ARID5B: variants seen among roughly 807,000 people sequenced by gnomAD.
The protein encoded by ARID5B is AT-rich interaction domain 5B.
A neutral mutation model predicts 97.2 loss-of-function variants in ARID5B; 13 were observed. The ratio of observed to expected loss-of-function variants is 0.13; its 90% CI spans 0.09 to 0.21. The LOEUF (loss-of-function observed/expected upper bound fraction) is 0.21, where lower values mean the gene tolerates loss of function less well. Ranked by LOEUF, ARID5B falls within the 10% of genes least tolerant of loss-of-function variation. The probability of loss-of-function intolerance (pLI) is 1.00; values close to 1 mark genes in which losing one functional copy is unlikely to be tolerated. For missense variants in ARID5B, 1,210 were observed against 1,465.3 expected (o/e 0.83, Z 2.84); for synonymous variants, 556 against 570.3 (o/e 0.97, Z 0.36).
At chr10:62,088,071 T>A (rs1238517170) in intron 9 of ARID5B, among the ~76,000 whole-genome samples, 2 of 152,268 alleles carry the variant, frequency 1.3e-5, no homozygotes, top group Admixed American at 1.3e-4. Context: ...TTCACCATGT[T>A]GGTCAGGCTG....
chr10:62,083,412 G>A (rs866619703), intron 8 of ARID5B, among the ~76,000 whole-genome samples: 2 of 151,766 alleles, frequency 1.3e-5, no homozygotes, highest in Middle Eastern at 3.4e-3. Flanking sequence ...CCCATCTAGA[G>A]AGCCAGGTTG....
chr10:61,922,805 G>C (rs1012016117), intron 2 of ARID5B, among the ~76,000 whole-genome samples: 1 of 152,202 alleles, frequency 6.6e-6, no homozygotes, highest in Non-Finnish European at 1.5e-5. Flanking sequence ...AGAGCAGCTG[G>C]TCTGCCATCT....
At chr10:61,991,988 C>T (rs1396735059) in intron 3 of ARID5B, among the ~76,000 whole-genome samples, 12 of 151,656 alleles carry the variant, frequency 7.9e-5, no homozygotes, top group South Asian at 6.2e-4. Context: ...GCTGAGATCA[C>T]GCTATGGCAC....
At chr10:61,965,728 G>T (rs1838536304) in intron 3 of ARID5B, among the ~76,000 whole-genome samples, 1 of 152,074 alleles carries the variant, frequency 6.6e-6, no homozygotes, top group African/African-American at 2.4e-5. Context: ...TAGAACACTG[G>T]CCACTAAAAT....
At chr10:61,996,885 G>GAAA (rs199599810) in intron 3 of ARID5B, among the ~76,000 whole-genome samples, 31 of 144,054 alleles carry the variant, frequency 2.2e-4, no homozygotes, top group African/African-American at 7.3e-4. Context: ...TCTGACAACT[G>GAAA]AAAAAAAAAA....
intron 8 of ARID5B, among the ~76,000 whole-genome samples, chr10:62,070,232 C>A (rs1055782861): frequency 1.3e-5 from 2 of 152,154 alleles, no homozygotes; most frequent in African/African-American, 4.8e-5. Context: ...CAGATCAAAT[C>A]TGTTGTTTTA....
In ARID5B at chr10:62,096,067, G is replaced by A. The variant is rs768311956; in HGVS notation, c.*3037G>A. 1.0e-4 allele frequency: 24 copies of A among 233,058 alleles called. No individual in the cohort carries two copies. The highest frequency in any genetic ancestry group is 4.2e-4 in the East Asian group (7 of 16,532). The allele number at this position is 233,058 out of a possible 1,614,324, so 14.4% of individuals were successfully genotyped here. On this transcript the variant is annotated 3_prime_UTR_variant, in exon 10 of 10. Transcript: ENST00000279873. Reference sequence around the variant, plus strand: ...AATAAAAACAGCCCAACCGAGTTTCGGAATTAAGTATTCTTCTAGTAAGTG... The same window carrying A: ...AATAAAAACAGCCCAACCGAGTTTCAGAATTAAGTATTCTTCTAGTAAGTG...
chr10:61,988,847 C>G (rs1195278124), intron 3 of ARID5B, among the ~76,000 whole-genome samples: 1 of 151,630 alleles, frequency 6.6e-6, no homozygotes, highest in African/African-American at 2.4e-5. Context: ...TCAAGAGATG[C>G]TATAAATGTA....
Position 61,999,663 on chromosome 10 carries a change from G to A in ARID5B, c.503-428G>A, listed in dbSNP as rs79968820. 9.1e-3 allele frequency among the ~76,000 whole-genome samples: 1,383 copies of A among 152,246 alleles called. 38 individuals are homozygous for A. The East Asian group carries it at 0.096, about 11-fold the overall frequency. ...GTACGTGGAACCATCGTTCAGTTGA[G>A]GATCATCTGTATAATCCAATATAAG... On this transcript the variant is annotated intron_variant, in intron 3 of 9. Coordinates refer to ENST00000279873, the MANE Select transcript of ARID5B (RefSeq NM_032199.3).
chr10:61,953,068 G>C (rs10994983), intron 3 of ARID5B, among the ~76,000 whole-genome samples: 9,777 of 151,780 alleles, frequency 0.064, 406 homozygotes, highest in South Asian at 0.12. Context: ...GAAGATGATT[G>C]TAGCACGACA....
At chr10:61,902,118 T>G (rs565092480) in intron 1 of ARID5B, 41 bp from the exon 2 acceptor site, 2 of 1,608,772 alleles carry the variant, frequency 1.2e-6, no homozygotes, top group South Asian at 1.1e-5. Context: ...TGTGCTCTGA[T>G]GGCTACATTA....
At chr10:61,978,076 A>G (rs1218953733) in intron 3 of ARID5B, among the ~76,000 whole-genome samples, 2 of 152,228 alleles carry the variant, frequency 1.3e-5, no homozygotes, top group Non-Finnish European at 2.9e-5. Flanking sequence ...CTTTCTACAT[A>G]TGGCTGGCCA....
Position 62,085,816 on chromosome 10 carries a change from A to G in ARID5B, c.1314A>G (p.Val438=), listed in dbSNP as rs762914928. The G allele has an allele frequency of 2.5e-6, 4 of 1,614,210 alleles. No individual in the cohort carries two copies. Among genetic ancestry groups the G allele is most frequent in the South Asian group, 1.1e-5 (1 of 91,078 alleles). ...SSQENENKTK[V]SGTKRIKHEI... is the part of the protein sequence containing the mutation. Reference sequence around the variant, plus strand: ...AGGAAAATGAGAACAAAACAAAAGTATCTGGAACCAAACGCATCAAACATG... The same window carrying G: ...AGGAAAATGAGAACAAAACAAAAGTGTCTGGAACCAAACGCATCAAACATG... The change falls in exon 9 of 10, where the codon GTA becomes GTG. Residue 438 remains valine (V), a synonymous_variant. Transcript: ENST00000279873.
intron 3 of ARID5B, among the ~76,000 whole-genome samples, chr10:61,963,465 G>A (rs1838500786): frequency 6.6e-6 from 1 of 151,996 alleles, no homozygotes; most frequent in Non-Finnish European, 1.5e-5. Flanking sequence ...AGGAAGAGCG[G>A]CATGTCCCTG....
Position 62,092,405 on chromosome 10 carries a change from T to C in ARID5B, c.2942T>C (p.Val981Ala). 6.2e-7 allele frequency: 1 copy of C among 1,614,170 alleles called. No individual in the cohort carries two copies. The highest frequency in any genetic ancestry group is 8.5e-7 in the Non-Finnish European group (1 of 1,180,032). ...SLSRSGKPHH[V>A]RLENFRKMEG... ...TCAAGATCAGGAAAACCTCACCATG[T>C]GAGACTGGAGAATTTCAGGAAGATG... The change falls in exon 10 of 10, where the codon GTG becomes GCG. Residue 981 changes from valine to alanine, a missense_variant. Val to Ala is a moderately conservative substitution (Grantham distance 64, BLOSUM62 0). This residue lies in a region of ARID5B where 800 missense variants were observed against 839.1 expected (regional missense o/e 0.95). Coordinates refer to ENST00000279873, the MANE Select transcript of ARID5B (RefSeq NM_032199.3).
In ARID5B at chr10:62,007,339, CTCATTCAT is replaced by C. The variant is rs536843591; in HGVS notation, c.733+7040_733+7047del. On this transcript the variant is annotated intron_variant, in intron 4 of 9. Transcript: ENST00000279873. ...TACAGTGCCTGACACATGATAGGCT[CTCATTCAT>C]TCATTCATTCATTCATTCATTTAAC... 3.9e-5 allele frequency among the ~76,000 whole-genome samples: 6 copies of C among 152,212 alleles called. No homozygotes were observed. In the East Asian group the frequency reaches 5.8e-4, roughly 15 times the overall value.
At position 61,902,220 on chromosome 10, in the gene ARID5B, A is replaced by G; in HGVS notation, c.83A>G (p.His28Arg). 2 of 1,613,524 alleles carry G rather than the reference A, an allele frequency of 1.2e-6. No individual in the cohort carries two copies. The highest frequency in any genetic ancestry group is 1.7e-6 in the Non-Finnish European group (2 of 1,179,948). The change falls in exon 2 of 10, where the codon CAC becomes CGC. Residue 28 changes from histidine (H) to arginine (R), a missense_variant. Physicochemically the swap from His to Arg is conservative, Grantham distance 29. Around this residue, in one of 8 missense-constraint regions of ARID5B, gnomAD observed 80 missense variants for 133.2 expected, o/e 0.60. Transcript: ENST00000279873. ...ATTTTCTACAAGGCTTTTCAATTCC[A>G]CCTTGAAGGCAAACCAAGAATTTTG... Reference protein sequence around the residue: ...PYIFYKAFQFHLEGKPRILSL... With the variant: ...PYIFYKAFQFRLEGKPRILSL...
At chr10:61,973,884 G>T (rs377521932) in intron 3 of ARID5B, among the ~76,000 whole-genome samples, 1 of 152,096 alleles carries the variant, frequency 6.6e-6, no homozygotes, top group Non-Finnish European at 1.5e-5. Context: ...AGTGCAGTGC[G>T]GGTTTATTGT....
intron 8 of ARID5B, among the ~76,000 whole-genome samples, chr10:62,073,449 A>G (rs972030213): frequency 6.6e-6 from 1 of 152,220 alleles, no homozygotes; most frequent in African/African-American, 2.4e-5. Flanking sequence ...AAAAGAATCA[A>G]TGGGTGTTTT....
Sources: gnomAD v4.1 joint callset for allele counts (sites outside exome capture counted in the v4.1 genomes callset) on GRCh38, gnomAD v4.1.1 for gene constraint, gnomAD v4.1.1 regional missense constraint, MANE v1.5 for transcripts, NCBI Gene and HGNC (gene_info 2026-07-23, HGNC 2026-07-21) for gene names.